Variants in RRBP1 observed in about 807,000 individuals in gnomAD.
RRBP1 encodes the protein ribosome binding protein 1.
Under a neutral mutation model 165.2 loss-of-function variants are expected in RRBP1, and 94 were observed. The ratio of observed to expected loss-of-function variants is 0.57; its 90% confidence interval spans 0.48 to 0.68. The LOEUF is 0.68. RRBP1 is among the 30% of genes least tolerant of loss of function. The pLI, the probability that RRBP1 is intolerant of heterozygous loss-of-function variation, is 0.00. For missense variants in RRBP1, 1,676 were observed against 1,763.0 expected, an observed-to-expected ratio of 0.95 and a Z score of 0.88; for synonymous variants, 680 against 714.5, an observed-to-expected ratio of 0.95 and a Z score of 0.77.
At position 17,656,478 on chromosome 20, in the gene RRBP1, C is replaced by T. The variant is rs569709607; in HGVS notation, c.1912+2118G>A. 9.2e-5 allele frequency among the ~76,000 whole-genome samples: 14 copies of T among 152,300 alleles called. No individual in the cohort carries two copies. The East Asian group carries it at 1.5e-3, about 17-fold the overall frequency. ...TTATAGAGGCAAGTGCTTGGCGGGT[C>T]TAAGAAGACTTTTCCAAATTATGAA... On this transcript the variant is annotated intron_variant, in intron 3 of 24. Coordinates refer to ENST00000377813, the MANE Select transcript of RRBP1 (RefSeq NM_001365613.2).
chr20:17,675,234 C>T (rs1300405142), intron 2 of RRBP1, among the ~76,000 whole-genome samples: 3 of 152,344 alleles, frequency 2.0e-5, no homozygotes, highest in East Asian at 3.9e-4. Context: ...GGAGGTAATC[C>T]AAACTTCACT....
At chr20:17,637,196 G>A (rs891150746) in intron 5 of RRBP1, among the ~76,000 whole-genome samples, 8 of 152,052 alleles carry the variant, frequency 5.3e-5, no homozygotes, top group African/African-American at 1.9e-4. Context: ...CAGTTCCGCC[G>A]TGGCTGGGGG....
At chr20:17,669,383 G>A (rs1341895869) in intron 2 of RRBP1, among the ~76,000 whole-genome samples, 3 of 152,142 alleles carry the variant, frequency 2.0e-5, no homozygotes, top group South Asian at 2.1e-4. Context: ...ATGCCTATGC[G>A]GTAGGAATCA....
chr20:17,614,977 T>C (rs1600720915), intron 23 of RRBP1, 97 bp from the exon 24 acceptor site: 1 of 1,380,578 alleles, frequency 7.2e-7, no homozygotes. Flanking sequence ...GCTGGAGCCC[T>C]CTGGGGACAC....
chr20:17,661,068 T>G (rs943160363), intron 2 of RRBP1, among the ~76,000 whole-genome samples: 5 of 152,232 alleles, frequency 3.3e-5, no homozygotes, highest in African/African-American at 1.2e-4. Context: ...TGAAATTGAC[T>G]GATTTAAAAA....
chr20:17,663,155 G>A (rs1326686217), intron 2 of RRBP1, among the ~76,000 whole-genome samples: 1 of 152,220 alleles, frequency 6.6e-6, no homozygotes, highest in Non-Finnish European at 1.5e-5. Context: ...TCTTTACCGA[G>A]TCGCGATTGG....
intron 11 of RRBP1, among the ~76,000 whole-genome samples, chr20:17,626,246 C>T (rs979027188): frequency 6.6e-6 from 1 of 152,226 alleles, no homozygotes; most frequent in Non-Finnish European, 1.5e-5. Flanking sequence ...AGTTCATTAT[C>T]CTAGTAATAT....
At chr20:17,673,841 C>T (rs979149485) in intron 2 of RRBP1, among the ~76,000 whole-genome samples, 7 of 152,174 alleles carry the variant, frequency 4.6e-5, no homozygotes, top group Non-Finnish European at 8.8e-5. Context: ...TTTAAGAGTC[C>T]TTTGACACAT....
chr20:17,625,570 A>G lies in RRBP1; in HGVS notation c.2996T>C (p.Leu999Pro). The stretch of plus-strand genomic sequence containing the variant: ...CCTGAGCTCGATGGCCTCCTTCTCC[A>G]GACCCGACACCTGGGACTCCAGCTC... ...LKELESQVSGLEKEAIELREA... is the reference protein window; with the variant it reads ...LKELESQVSGPEKEAIELREA... The change falls in exon 12 of 25, where the codon CTG becomes CCG. Residue 999 changes from leucine (L) to proline (P), a missense_variant. This residue lies in a region of RRBP1 where 1,184 missense variants were observed against 1,167.1 expected (regional missense o/e 1.01). Coordinates refer to ENST00000377813, the MANE Select transcript of RRBP1 (RefSeq NM_001365613.2). 6.2e-7 allele frequency: 1 copy of G among 1,613,892 alleles called. No homozygotes were observed. The highest frequency in any genetic ancestry group is 1.7e-4 in the Middle Eastern group (1 of 6,058).
At chr20:17,661,352 C>T (rs151082867) in intron 2 of RRBP1, among the ~76,000 whole-genome samples, 31 of 152,328 alleles carry the variant, frequency 2.0e-4, no homozygotes, top group African/African-American at 7.5e-4. Flanking sequence ...AAGAATCAGT[C>T]TTGGGAGGCC....
In RRBP1 at chr20:17,626,765, C is replaced by CT. The variant is rs2036029581; in HGVS notation, c.2963+582_2963+583insA. Among the ~76,000 whole-genome samples, 17 of 137,604 alleles carry CT rather than the reference C, an allele frequency of 1.2e-4. No homozygotes were observed. The South Asian group carries it at 4.1e-3, about 33-fold the overall frequency. 90.3% of individuals were successfully genotyped at this position (137,604 alleles called of 152,430 possible). A position where few individuals can be genotyped will look rare whatever the true frequency, so the allele number is the denominator to read the frequency against. ...CGAGCCACCCCACCCAGGTGTTGGC[C>CT]GGCCTTAGCAACAGCAAATAAACAC... On this transcript the variant is annotated intron_variant, in intron 11 of 24. Coordinates refer to ENST00000377813, the MANE Select transcript of RRBP1 (RefSeq NM_001365613.2).
At chr20:17,666,857 G>T (rs1430158443) in intron 2 of RRBP1, among the ~76,000 whole-genome samples, 7 of 76,822 alleles carry the variant, frequency 9.1e-5, no homozygotes, top group Non-Finnish European at 2.0e-4. Context: ...TTGAGTATTA[G>T]ATTTTACCAA....
At chr20:17,620,925 G>A in intron 16 of RRBP1, 118 bp from the exon 17 acceptor site, 1 of 717,144 alleles carries the variant, frequency 1.4e-6, no homozygotes, top group Non-Finnish European at 2.3e-6. Flanking sequence ...CTGACTTCAT[G>A]AGCGCCAGCG....
At position 17,658,945 on chromosome 20, in the gene RRBP1, C is replaced by A. The variant is rs763578339; in HGVS notation, c.1563G>T (p.Lys521Asn). 2.3e-5 allele frequency: 37 copies of A among 1,612,824 alleles called. No individual in the cohort carries two copies. Among genetic ancestry groups the A allele is most frequent in the Admixed American group, 3.3e-5 (2 of 59,998 alleles). Residue 521 changes from lysine (K) to asparagine (N), a missense_variant, in exon 3 of 25, where the codon AAG (lysine) becomes AAT (asparagine). Transcript: ENST00000377813. Reference sequence around the variant, plus strand: ...CCTTTTTGCCCTGAGCCCCTTCTGTCTTTTTACCCTGATTCTGGGCTCCCT... The same window carrying A: ...CCTTTTTGCCCTGAGCCCCTTCTGTATTTTTACCCTGATTCTGGGCTCCCT... ...KGEGAQNQGK[K>N]TEGAQGKKAE...
At chr20:17,628,491 G>A (rs928596245) in intron 9 of RRBP1, among the ~76,000 whole-genome samples, 6 of 152,246 alleles carry the variant, frequency 3.9e-5, no homozygotes, top group East Asian at 3.9e-4. Context: ...TGGGCCACTC[G>A]TGCCCCTCTG....
At chr20:17,649,742 T>C (rs1374183792) in intron 3 of RRBP1, among the ~76,000 whole-genome samples, 1 of 151,998 alleles carries the variant, frequency 6.6e-6, no homozygotes, top group African/African-American at 2.4e-5. Flanking sequence ...CCAGCCCCAT[T>C]AGATTGCAGA....
At chr20:17,629,300 G>T (rs149885962) in intron 9 of RRBP1, among the ~76,000 whole-genome samples, 2 of 152,226 alleles carry the variant, frequency 1.3e-5, no homozygotes, top group African/African-American at 2.4e-5. Flanking sequence ...TTCTCCAGGG[G>T]CTCTCGGCCC....
chr20:17,646,823 A>G (rs1199939528), intron 3 of RRBP1, among the ~76,000 whole-genome samples: 1 of 152,114 alleles, frequency 6.6e-6, no homozygotes, highest in African/African-American at 2.4e-5. Context: ...TTCTCTCTGT[A>G]TAATTTCCAG....
Position 17,660,487 on chromosome 20 carries a change from T to C in RRBP1, c.21A>G (p.Gln7=), listed in dbSNP as rs1568783698. 5 of 1,613,696 alleles carry C rather than the reference T, an allele frequency of 3.1e-6. No homozygotes were observed. The highest frequency in any genetic ancestry group is 4.2e-6 in the Non-Finnish European group (5 of 1,179,770). Residue 7 remains glutamine (Q), a synonymous_variant, in exon 3 of 25, where the codon CAA becomes CAG. Coordinates refer to ENST00000377813, the MANE Select transcript of RRBP1 (RefSeq NM_001365613.2). MDIYDT[Q]TLGVVVFGGF... ...CTCCAAAGACCACAACCCCCAAGGT[T>C]TGAGTGTCGTAAATATCCATCCTGG...
Sources: gnomAD v4.1 joint callset for allele counts (sites outside exome capture counted in the v4.1 genomes callset) on GRCh38, gnomAD v4.1.1 for gene constraint, gnomAD v4.1.1 regional missense constraint, MANE v1.5 for transcripts, NCBI Gene and HGNC (gene_info 2026-07-23, HGNC 2026-07-21) for gene names.